Variants in MPV17 observed in about 807,000 individuals in gnomAD.
MPV17 encodes the protein mitochondrial inner membrane protein MPV17.
In MPV17, 31 loss-of-function variants were observed where a neutral mutation model predicts 28.6. That is an observed-to-expected ratio of 1.08 (90% confidence interval 0.81 to 1.46). The LOEUF (loss-of-function observed/expected upper bound fraction) is 1.46. Among genes scored for constraint, MPV17 ranks in the 40% most tolerant of loss-of-function variants. The pLI, the probability that MPV17 is intolerant of heterozygous loss-of-function variation, is 0.00. For synonymous variants in MPV17, 87 were observed against 85.3 expected, an observed-to-expected ratio of 1.02 and a Z score of -0.11; for missense variants, 198 against 216.2, an observed-to-expected ratio of 0.92 and a Z score of 0.53.
chr2:27,312,899 T>G (rs1394579258), intron 3 of MPV17, 95 bp downstream of exon 3: 1 of 1,543,294 alleles, frequency 6.5e-7, no homozygotes, highest in African/African-American at 1.4e-5. Flanking sequence ...GGCGGCAGGT[T>G]GGCTTAGGTG....
intron 3 of MPV17, 68 bp downstream of exon 3, chr2:27,312,926 G>A: frequency 6.3e-7 from 1 of 1,585,978 alleles, no homozygotes; most frequent in South Asian, 1.1e-5. Context: ...TCCAAGGGAA[G>A]CCAAAGGATG....
rs1037478278 is a variant in MPV17, at chr2:27,319,538, T to C, written c.70+2910A>G. 2.8e-5 allele frequency among the ~76,000 whole-genome samples: 4 copies of C among 143,608 alleles called. No individual in the cohort carries two copies. In the South Asian group the frequency reaches 9.4e-4, roughly 34 times the overall value. The allele number at this position is 143,608 out of a possible 152,430, so 94.2% of individuals were successfully genotyped here. ...CAAAAGAGCAAGACCCCGTCTCAAA[T>C]AATAATAATAATAAAATAGTTTATT... On this transcript the variant is annotated intron_variant, in intron 2 of 7. Transcript: ENST00000380044.
At chr2:27,316,023 TG>T in intron 2 of MPV17, 5 of 1,546,418 alleles carry the variant, frequency 3.2e-6, no homozygotes, top group Non-Finnish European at 4.4e-6. Flanking sequence ...AGGAGGCCCC[TG>T]TGGCTGCTCC....
Position 27,312,216 on chromosome 2 carries a change from A to G in MPV17, c.406T>C (p.Tyr136His). 1 of 1,614,096 alleles carries G rather than the reference A, an allele frequency of 6.2e-7. No individual in the cohort carries two copies. Among genetic ancestry groups the G allele is most frequent in the Non-Finnish European group, 8.5e-7 (1 of 1,179,904 alleles). The change falls in exon 6 of 8, where the codon TAT becomes CAT. Residue 136 changes from tyrosine (Y) to histidine (H), a missense_variant and splice_region_variant. Physicochemically the swap from Tyr to His is moderately conservative, Grantham distance 83. Transcript: ENST00000380044. Reference protein sequence around the residue: ...DYPDALITNYYLWPAVQLANF... With the variant: ...DYPDALITNYHLWPAVQLANF... ...GCAGTTGAGGTGTCAGCTCTTACAT[A>G]GTAGTTGGTGATAAGGGCATCAGGA...
At position 27,309,565 on chromosome 2, in the gene MPV17, G is replaced by T. The variant is rs144697795; in HGVS notation, c.*347C>A. 5.8e-6 allele frequency: 3 copies of T among 520,558 alleles called. No individual in the cohort carries two copies. The highest frequency in any genetic ancestry group is 6.9e-6 in the Non-Finnish European group (2 of 290,248). 32.2% of individuals were successfully genotyped at this position (520,558 alleles called of 1,614,324 possible). A position where few individuals can be genotyped will look rare whatever the true frequency, so the allele number is the denominator to read the frequency against. ...GGTTCCGGGAGTCTCTAAAGAGCTG[G>T]AGCTACAAGAAGCCTAGGCAGGGTT... On this transcript the variant is annotated 3_prime_UTR_variant, in exon 8 of 8. Coordinates refer to ENST00000380044, the MANE Select transcript of MPV17 (RefSeq NM_002437.5).
intron 2 of MPV17, among the ~76,000 whole-genome samples, chr2:27,321,372 G>A (rs1414063741): frequency 6.6e-6 from 1 of 152,226 alleles, no homozygotes; most frequent in Admixed American, 6.5e-5. Context: ...AAGGGCCAAA[G>A]AATCCATCTC....
chr2:27,322,597 G>GT lies in MPV17; in HGVS notation c.-5-76dup, dbSNP rs1335041946. On this transcript the variant is annotated intron_variant, in intron 1 of 7. Transcript: ENST00000380044. Reference sequence around the variant, plus strand: ...CTAAGAAGCCGCCTGACATTCCCTTGTGCCCACTCCCTTCCCCTTCCCACT... The same window carrying GT: ...CTAAGAAGCCGCCTGACATTCCCTTGTTGCCCACTCCCTTCCCCTTCCCACT... 16 of 1,211,186 alleles carry GT rather than the reference G, an allele frequency of 1.3e-5. No individual in the cohort carries two copies. The African/African-American group carries it at 2.1e-4, about 16-fold the overall frequency. 75.0% of individuals were successfully genotyped at this position (1,211,186 alleles called of 1,614,324 possible).
Position 27,317,356 on chromosome 2 carries a change from T to G in MPV17, c.71-4247A>C, listed in dbSNP as rs1679693616. The G allele has an allele frequency of 1.2e-6, 1 of 862,808 alleles. No homozygotes were observed. The highest frequency in any genetic ancestry group is 1.7e-6 in the Non-Finnish European group (1 of 588,648). The allele number at this position is 862,808 out of a possible 1,614,324, so 53.4% of individuals were successfully genotyped here. ...GGGATTATTCTGAATGCTCTCCCAT[T>G]TCTGACCTGAACCCATCCTACTGCT... On this transcript the variant is annotated intron_variant, in intron 2 of 7. Transcript: ENST00000380044. The surrounding 1 kb of genome is among the most constrained non-coding windows in gnomAD (Gnocchi z 4.0).
chr2:27,320,971 G>A (rs1679835254), intron 2 of MPV17, among the ~76,000 whole-genome samples: 1 of 152,218 alleles, frequency 6.6e-6, no homozygotes, highest in South Asian at 2.1e-4. Context: ...GGGCTGAGCT[G>A]GGACGTCAGC....
At chr2:27,322,222 GAAATCCTA>G in intron 2 of MPV17, 1 of 593,852 alleles carries the variant, frequency 1.7e-6, no homozygotes, top group South Asian at 2.0e-5. Context: ...TGAGGACTTT[GAAATCCTA>G]AAACCCTACT....
Position 27,317,851 on chromosome 2 carries a change from G to A in MPV17, c.70+4597C>T, listed in dbSNP as rs1201162815. 6.6e-6 allele frequency among the ~76,000 whole-genome samples: 1 copy of A among 152,172 alleles called. No individual in the cohort carries two copies. The highest frequency in any genetic ancestry group is 1.5e-5 in the Non-Finnish European group (1 of 68,040). On this transcript the variant is annotated intron_variant, in intron 2 of 7. Coordinates refer to ENST00000380044, the MANE Select transcript of MPV17 (RefSeq NM_002437.5). The surrounding 1 kb of genome is among the most constrained non-coding windows in gnomAD (Gnocchi z 4.0). ...CCCAGGCTACCTTGTTCTGGACTCT[G>A]GCTTGGCCAAAACTGGTATACTAGA...
Position 27,313,113 on chromosome 2 carries a change from T to C in MPV17, c.71-4A>G, listed in dbSNP as rs1441349951. The C allele has an allele frequency of 4.3e-6, 7 of 1,614,168 alleles. 1 individual carries two copies. The South Asian group carries it at 4.4e-5, about 10-fold the overall frequency. Reference sequence around the variant, plus strand: ...TCACCCAGGCCCATCAGGGACCCTATGCAGGGTACACAGGTGTTGTCAGGA... The same window carrying C: ...TCACCCAGGCCCATCAGGGACCCTACGCAGGGTACACAGGTGTTGTCAGGA... On this transcript the variant is annotated splice_region_variant and splice_polypyrimidine_tract_variant and intron_variant, in intron 2 of 7. Transcript: ENST00000380044.
intron 7 of MPV17, among the ~76,000 whole-genome samples, chr2:27,310,848 G>A (rs1318158787): frequency 2.0e-5 from 3 of 151,918 alleles, no homozygotes; most frequent in East Asian, 1.9e-4. Context: ...AGGTTCAAGC[G>A]ATTCTCCTCC....
chr2:27,315,545 C>A (rs929252809), intron 2 of MPV17, among the ~76,000 whole-genome samples: 2 of 152,204 alleles, frequency 1.3e-5, no homozygotes, highest in African/African-American at 4.8e-5. Flanking sequence ...GTCACACCTC[C>A]ATTCATCCAT....
chr2:27,320,498 G>A (rs528072111), intron 2 of MPV17, among the ~76,000 whole-genome samples: 18 of 151,900 alleles, frequency 1.2e-4, no homozygotes, highest in African/African-American at 4.1e-4. Flanking sequence ...CACCATACCC[G>A]GCTAATTTTG....
chr2:27,310,172 T>C (rs2148212598), intron 7 of MPV17, among the ~76,000 whole-genome samples, 191 bp from the exon 8 acceptor site: 1 of 152,256 alleles, frequency 6.6e-6, no homozygotes, highest in Non-Finnish European at 1.5e-5. Context: ...TAGCACAATC[T>C]TGGCTCACTG....
chr2:27,322,122 T>C (rs1361824891), intron 2 of MPV17: 2 of 413,782 alleles, frequency 4.8e-6, no homozygotes, highest in Non-Finnish European at 9.0e-6. Context: ...ATAACGTATA[T>C]GAAAGTGCTT....
intron 2 of MPV17, among the ~76,000 whole-genome samples, chr2:27,313,956 C>T (rs1679554310): frequency 6.6e-6 from 1 of 152,192 alleles, no homozygotes; most frequent in Admixed American, 6.5e-5. Context: ...AGGTGATCTG[C>T]TCACCTCGGC....
Position 27,317,022 on chromosome 2 carries a change from T to C in MPV17, c.71-3913A>G. The C allele has an allele frequency of 6.8e-7, 1 of 1,470,342 alleles. No individual in the cohort carries two copies. Among genetic ancestry groups the C allele is most frequent in the East Asian group, 2.5e-5 (1 of 40,114 alleles). The allele number at this position is 1,470,342 out of a possible 1,614,324, so 91.1% of individuals were successfully genotyped here. A position where few individuals can be genotyped will look rare whatever the true frequency, so the allele number is the denominator to read the frequency against. On this transcript the variant is annotated intron_variant, in intron 2 of 7. Transcript: ENST00000380044. The surrounding 1 kb of genome is among the most constrained non-coding windows in gnomAD (Gnocchi z 4.0). The stretch of plus-strand genomic sequence containing the variant: ...AAAAGCCCCAACTTCCACACCCTCT[T>C]CCCGGGCATGGGCAGGGTAAATTCC...
Sources: allele counts gnomAD v4.1 joint callset (sites outside exome capture counted in the v4.1 genomes callset), GRCh38; gene constraint gnomAD v4.1.1; non-coding constraint Gnocchi (gnomAD v3.1); transcripts MANE v1.5; gene names NCBI Gene and HGNC (gene_info 2026-07-23, HGNC 2026-07-21).